Variants in DCLK1 observed in about 807,000 individuals in gnomAD.
DCLK1 encodes serine/threonine-protein kinase DCLK1.
In DCLK1, 16 loss-of-function variants were observed where a neutral mutation model predicts 86.2. The ratio of observed to expected loss-of-function variants is 0.19; its 90% CI spans 0.13 to 0.28. The LOEUF is 0.28. Ranked by LOEUF, DCLK1 falls within the 10% of genes least tolerant of loss-of-function variation. The pLI is 1.00. For missense variants in DCLK1, 590 were observed against 940.2 expected (o/e 0.63, Z 4.87); for synonymous variants, 369 against 370.5 (o/e 1.00, Z 0.05).
chr13:35,863,704 A>C (rs915294962), intron 5 of DCLK1, among the ~76,000 whole-genome samples: 1 of 152,216 alleles, frequency 6.6e-6, no homozygotes, highest in Admixed American at 6.5e-5. Context: ...AATTCTCTAC[A>C]CTAAAGGAAA....
rs1869999754 is a variant in DCLK1, at chr13:35,843,983, CTA to C, written c.1036-4809_1036-4808del. 9.9e-5 allele frequency among the ~76,000 whole-genome samples: 15 copies of C among 152,118 alleles called. No individual in the cohort carries two copies. The South Asian group carries it at 3.1e-3, about 32-fold the overall frequency. On this transcript the variant is annotated intron_variant, in intron 6 of 16. Transcript: ENST00000360631. ...TAGAGAGCTTGAAACCCACAGAATT[CTA>C]TATGATACAGAAAAGCCAGACATTT...
intron 4 of DCLK1, among the ~76,000 whole-genome samples, chr13:35,897,289 AT>A (rs1874063331): frequency 6.6e-6 from 1 of 152,168 alleles, no homozygotes. Context: ...AATGTGGAGG[AT>A]GGAGCTGAGG....
At chr13:35,814,585 A>G (rs1207118771) in intron 11 of DCLK1, among the ~76,000 whole-genome samples, 1 of 152,204 alleles carries the variant, frequency 6.6e-6, no homozygotes, top group Non-Finnish European at 1.5e-5. Flanking sequence ...TAAAGCCTCT[A>G]TAAAATGTGA....
intron 4 of DCLK1, among the ~76,000 whole-genome samples, chr13:35,881,789 C>A (rs1404700151): frequency 2.0e-5 from 3 of 152,156 alleles, no homozygotes; most frequent in Admixed American, 6.5e-5. Flanking sequence ...AAGCAGCTAA[C>A]TTCAGTTGAG....
intron 5 of DCLK1, chr13:35,855,415 G>A (rs368914095): frequency 8.0e-7 from 1 of 1,248,104 alleles, no homozygotes; most frequent in Non-Finnish European, 1.1e-6. Flanking sequence ...CAGCCCCACA[G>A]TCAGTGAAGT....
At chr13:36,051,402 C>G (rs1328604270) in intron 3 of DCLK1, among the ~76,000 whole-genome samples, 2 of 152,154 alleles carry the variant, frequency 1.3e-5, no homozygotes, top group Non-Finnish European at 2.9e-5. Context: ...CAACCATATT[C>G]ACACTTTCAG....
chr13:35,836,124 A>G lies in DCLK1; in HGVS notation c.1138T>C (p.Phe380Leu), dbSNP rs1207370482. 6.2e-7 allele frequency: 1 copy of G among 1,612,348 alleles called. No individual in the cohort carries two copies. The highest frequency in any genetic ancestry group is 1.1e-5 in the South Asian group (1 of 90,370). Residue 380 changes from phenylalanine (F) to leucine (L), a missense_variant, in exon 8 of 17, where the codon TTC becomes CTC. Around this residue, in one of 6 missense-constraint regions of DCLK1, gnomAD observed 108 missense variants for 195.7 expected, o/e 0.55. Transcript: ENST00000360631. ...GPGEEVSEEGFQIPATITERY... is the reference protein window; with the variant it reads ...GPGEEVSEEGLQIPATITERY... ...TCTGTTATTGTAGCTGGAATCTGGA[A>G]GCCTTCCTCCGACACTTCTGAAAGA...
At chr13:36,123,467 T>G (rs1384041367) in intron 2 of DCLK1, among the ~76,000 whole-genome samples, 1 of 152,260 alleles carries the variant, frequency 6.6e-6, no homozygotes, top group African/African-American at 2.4e-5. Context: ...AAGTCATTTT[T>G]AAACATCAGA....
chr13:36,036,744 A>C (rs1882516790), intron 3 of DCLK1, among the ~76,000 whole-genome samples: 1 of 152,160 alleles, frequency 6.6e-6, no homozygotes, highest in South Asian at 2.1e-4. Context: ...ATTTTAATGA[A>C]TAATACGTTA....
At chr13:35,908,099 A>G (rs1255420381) in intron 4 of DCLK1, among the ~76,000 whole-genome samples, 2 of 151,888 alleles carry the variant, frequency 1.3e-5, no homozygotes, top group Non-Finnish European at 2.9e-5. Context: ...ATACAACTCA[A>G]GAAGGAACAA....
At chr13:35,882,703 A>G (rs1187976562) in intron 4 of DCLK1, among the ~76,000 whole-genome samples, 2 of 151,942 alleles carry the variant, frequency 1.3e-5, no homozygotes, top group African/African-American at 2.4e-5. Context: ...CAATTCCCCA[A>G]TACTGCCACC....
intron 6 of DCLK1, among the ~76,000 whole-genome samples, chr13:35,841,448 G>A (rs1025199322): frequency 6.6e-6 from 1 of 151,842 alleles, no homozygotes; most frequent in African/African-American, 2.4e-5. Flanking sequence ...ATCCCTGAAT[G>A]CTTGTCACAA....
intron 3 of DCLK1, among the ~76,000 whole-genome samples, chr13:35,971,564 A>T (rs990288153): frequency 4.6e-5 from 7 of 152,120 alleles, no homozygotes; most frequent in Admixed American, 2.0e-4. Context: ...GGAGTTCGAG[A>T]CCAGCCTGGC....
intron 3 of DCLK1, among the ~76,000 whole-genome samples, chr13:36,083,341 G>T (rs756761397): frequency 6.6e-6 from 1 of 152,136 alleles, no homozygotes; most frequent in African/African-American, 2.4e-5. Flanking sequence ...ACGTGTTCAC[G>T]TCTCTGAAAC....
intron 4 of DCLK1, among the ~76,000 whole-genome samples, chr13:35,887,224 A>T (rs139739430): frequency 6.6e-6 from 1 of 152,316 alleles, no homozygotes; most frequent in East Asian, 1.9e-4. Flanking sequence ...GCCACAGGTG[A>T]CCTGTTTGAG....
At chr13:35,945,156 T>C (rs1877300534) in intron 4 of DCLK1, among the ~76,000 whole-genome samples, 1 of 152,154 alleles carries the variant, frequency 6.6e-6, no homozygotes, top group African/African-American at 2.4e-5. Flanking sequence ...CGCCTTGGCC[T>C]CCCAAAGTCC....
intron 3 of DCLK1, among the ~76,000 whole-genome samples, chr13:35,949,492 G>A (rs1438436540): frequency 6.6e-6 from 1 of 152,124 alleles, no homozygotes; most frequent in Non-Finnish European, 1.5e-5. Flanking sequence ...ATATTTCACT[G>A]CCAACTAATT....
intron 4 of DCLK1, among the ~76,000 whole-genome samples, chr13:35,876,734 C>G (rs1034832114): frequency 2.0e-5 from 3 of 152,182 alleles, no homozygotes; most frequent in African/African-American, 7.2e-5. Flanking sequence ...CTTCCATTCC[C>G]CCTCTCACAT....
At chr13:35,938,664 C>T (rs1273100785) in intron 4 of DCLK1, among the ~76,000 whole-genome samples, 1 of 151,666 alleles carries the variant, frequency 6.6e-6, no homozygotes. Context: ...TGGAATTGGC[C>T]TTTTTCTAAA....
Sources: gnomAD v4.1 joint callset for allele counts (sites outside exome capture counted in the v4.1 genomes callset) on GRCh38, gnomAD v4.1.1 for gene constraint, gnomAD v4.1.1 regional missense constraint, MANE v1.5 for transcripts, NCBI Gene and HGNC (gene_info 2026-07-23, HGNC 2026-07-21) for gene names.